The following PPL variants were observed in gnomAD, a reference collection of about 807,000 sequenced individuals.
PPL encodes the protein 190 kDa paraneoplastic pemphigus antigen.
A neutral mutation model predicts 194.4 loss-of-function variants in PPL; 198 were observed. That is an observed-to-expected ratio of 1.02 (90% CI 0.91 to 1.15). The LOEUF (loss-of-function observed/expected upper bound fraction) is 1.15, where lower values mean the gene tolerates loss of function less well. Among genes scored for constraint, PPL ranks in the 50% most tolerant of loss-of-function variants. PPL has a pLI of 0.00. For missense variants in PPL, 2,885 were observed against 2,294.8 expected (o/e 1.26, Z -5.25); for synonymous variants, 1,220 against 972.4 (o/e 1.25, Z -4.74).
rs2088307266 is a variant in PPL, at chr16:4,890,859, C to T, written c.2031G>A (p.Gln677=). ...GTGTGCTCGAGCACTGCTTGGCCGC[C>T]TGCAAGTTCTGCTCCACCTCACCCA... is the stretch of plus-strand genomic sequence containing the variant. ...SLLGEVEQNL[Q]AAKQCSSTLA... Residue 677 remains glutamine, a synonymous_variant, in exon 17 of 22, where the codon CAG becomes CAA. Coordinates refer to ENST00000345988, the MANE Select transcript of PPL (RefSeq NM_002705.5). The T allele has an allele frequency of 6.4e-7, 1 of 1,555,678 alleles. No homozygotes were observed. Among genetic ancestry groups the T allele is most frequent in the Non-Finnish European group, 8.7e-7 (1 of 1,148,518 alleles).
Position 4,885,809 on chromosome 16 carries a change from C to T in PPL, c.2846G>A (p.Ser949Asn). The change falls in exon 22 of 22, where the codon AGC becomes AAC. Residue 949 changes from serine to asparagine, a missense_variant. Ser to Asn is a conservative substitution (Grantham distance 46, BLOSUM62 1). Coordinates refer to ENST00000345988, the MANE Select transcript of PPL (RefSeq NM_002705.5). This position sits in a 1 kb window ranked among gnomAD's most constrained non-coding sequence, Gnocchi z 6.3. The part of the protein sequence containing the change: ...KKVPDPVLEE[S>N]FQQLQRTLAE... ...CAGCGTCCGCTGCAGCTGCTGGAAG[C>T]TCTCCTCCAGCACGGGATCCGGCAC... 3 of 1,608,906 alleles carry T rather than the reference C, an allele frequency of 1.9e-6. No individual in the cohort carries two copies. The highest frequency in any genetic ancestry group is 4.5e-5 in the East Asian group (2 of 44,876).
At chr16:4,922,685 C>G (rs1217147861) in intron 1 of PPL, among the ~76,000 whole-genome samples, 1 of 151,664 alleles carries the variant, frequency 6.6e-6, no homozygotes, top group African/African-American at 2.4e-5. Flanking sequence ...ACAAAAAAAC[C>G]CTAGAAACAA....
chr16:4,899,071 A>G lies in PPL; in HGVS notation c.818T>C (p.Leu273Pro), dbSNP rs1371233582. The change falls in exon 8 of 22, where the codon CTG becomes CCG. Residue 273 changes from leucine to proline, a missense_variant. By Grantham distance (98) the Leu-to-Pro change is moderately conservative (BLOSUM62 -3). Coordinates refer to ENST00000345988, the MANE Select transcript of PPL (RefSeq NM_002705.5). ...CAGCAGCTGGTCGCCCTCGCTGTGC[A>G]GTTTGTTGATTCTCTCCTCTTTGGC... ...LEAKEERINK[L>P]HSEGDQLLAA... is the part of the protein sequence containing the mutation. 2 of 1,574,794 alleles carry G rather than the reference A, an allele frequency of 1.3e-6. No homozygotes were observed. Among genetic ancestry groups the G allele is most frequent in the African/African-American group, 2.7e-5 (2 of 73,584 alleles).
At chr16:4,903,490 C>T (rs889139867) in intron 3 of PPL, among the ~76,000 whole-genome samples, 16 of 152,122 alleles carry the variant, frequency 1.1e-4, no homozygotes, top group Non-Finnish European at 1.9e-4. Context: ...GAGGTCGAGG[C>T]AGGCGGATCA....
chr16:4,901,273 T>C (rs535587511), intron 4 of PPL, among the ~76,000 whole-genome samples, 184 bp from the exon 5 acceptor site: 1 of 152,332 alleles, frequency 6.6e-6, no homozygotes, highest in African/African-American at 2.4e-5. Context: ...CACTGACCTA[T>C]ATCATCTTTC....
intron 17 of PPL, 146 bp downstream of exon 17, chr16:4,890,581 GA>G (rs2088300216): frequency 3.6e-6 from 4 of 1,109,178 alleles, no homozygotes; most frequent in Non-Finnish European, 5.1e-6. Flanking sequence ...TGACTCAAAA[GA>G]GAGACCACAG....
Position 4,891,858 on chromosome 16 carries a change from CTG to C in PPL, c.1919_1920del (p.Thr640SerfsTer3). 6.2e-7 allele frequency: 1 copy of C among 1,613,536 alleles called. No homozygotes were observed. Among genetic ancestry groups the C allele is most frequent in the Non-Finnish European group, 8.5e-7 (1 of 1,180,008 alleles). ...THENHLNQDD[T>X]VPESSRVLDS... ...TCCAGGACACGGCTGCTCTCAGGCACTGTGTCATCCTGATTCAGATGGTTCTC... is the reference window on the plus strand; with the variant it reads ...TCCAGGACACGGCTGCTCTCAGGCACTGTCATCCTGATTCAGATGGTTCTC... On this transcript the variant is annotated frameshift_variant, in exon 16 of 22. Coordinates refer to ENST00000345988, the MANE Select transcript of PPL (RefSeq NM_002705.5). LOFTEE classifies it high-confidence loss of function.
intron 18 of PPL, among the ~76,000 whole-genome samples, chr16:4,889,268 T>TTTTTG: frequency 1.1e-5 from 1 of 92,894 alleles, no homozygotes; most frequent in Non-Finnish European, 2.3e-5. Context: ...TTTTTTTTTT[T>TTTTTG]TTTTTTGAGA....
rs1392243404 is a variant in PPL, at chr16:4,902,442, T to C, written c.402A>G (p.Pro134=). The C allele has an allele frequency of 1.9e-6, 3 of 1,614,112 alleles. No homozygotes were observed. The highest frequency in any genetic ancestry group is 1.7e-5 in the Admixed American group (1 of 60,014). The change falls in exon 4 of 22, where the codon CCA becomes CCG. Residue 134 remains proline, a synonymous_variant. Transcript: ENST00000345988. The surrounding 1 kb of genome is among the most constrained non-coding windows in gnomAD (Gnocchi z 4.0). ...IYRLAVKEVD[P]QVNWAALVEE... ...CCACCAGTGCCGCCCAGTTGACCTG[T>C]GGATCCACTTCCTTCACCGCCAGCC...
At chr16:4,911,168 T>TC (rs1351733535) in intron 1 of PPL, among the ~76,000 whole-genome samples, 3 of 146,884 alleles carry the variant, frequency 2.0e-5, no homozygotes, top group Non-Finnish European at 3.0e-5. Flanking sequence ...TTTTTTTTTT[T>TC]TTTTTTTTTT....
At position 4,885,945 on chromosome 16, in the gene PPL, C is replaced by G. The variant is rs1164467226; in HGVS notation, c.2710G>C (p.Glu904Gln). 2 of 1,613,534 alleles carry G rather than the reference C, an allele frequency of 1.2e-6. No homozygotes were observed. Among genetic ancestry groups the G allele is most frequent in the South Asian group, 2.2e-5 (2 of 91,086 alleles). ...KIRKELDEET[E>Q]RRRQLENEVK... ...TCGTTCTCCAGCTGCCGCCTCCGCT[C>G]AGTCTCCTCATCCAGTTCCTTCCTG... is the stretch of plus-strand genomic sequence containing the variant. Residue 904 changes from glutamate (E) to glutamine (Q), a missense_variant, in exon 22 of 22, where the codon GAG becomes CAG. Transcript: ENST00000345988. The surrounding 1 kb of genome is among the most constrained non-coding windows in gnomAD (Gnocchi z 6.3).
At chr16:4,889,361 TCTC>T (rs1216822135) in intron 18 of PPL, among the ~76,000 whole-genome samples, 2 of 146,868 alleles carry the variant, frequency 1.4e-5, no homozygotes, top group South Asian at 2.3e-4. Flanking sequence ...TTCAAGCAAT[TCTC>T]CTGCCTCAGC....
intron 2 of PPL, among the ~76,000 whole-genome samples, chr16:4,907,990 C>A (rs2088730365): frequency 6.7e-6 from 1 of 150,218 alleles, no homozygotes; most frequent in Non-Finnish European, 1.5e-5. Context: ...CCCATCTCTA[C>A]TGAAAATAAA....
At chr16:4,918,002 A>C (rs1483913292) in intron 1 of PPL, among the ~76,000 whole-genome samples, 1 of 149,458 alleles carries the variant, frequency 6.7e-6, no homozygotes, top group African/African-American at 2.5e-5. Flanking sequence ...AAAAAAACAC[A>C]AAAAAGGCAG....
intron 14 of PPL, 118 bp downstream of exon 14, chr16:4,893,095 T>TG: frequency 7.7e-7 from 1 of 1,305,974 alleles, no homozygotes; most frequent in Non-Finnish European, 1.0e-6. Flanking sequence ...AGGCTGTCCC[T>TG]GACAGACAGC....
At chr16:4,924,720 C>T (rs1326741365) in intron 1 of PPL, among the ~76,000 whole-genome samples, 6 of 152,190 alleles carry the variant, frequency 3.9e-5, no homozygotes, top group Admixed American at 2.6e-4. Flanking sequence ...ACGAAGACCG[C>T]AGCAAGACAC....
chr16:4,927,994 T>C (rs1430546939), intron 1 of PPL, among the ~76,000 whole-genome samples: 2 of 152,246 alleles, frequency 1.3e-5, no homozygotes, highest in Admixed American at 1.3e-4. Context: ...TAGTCCTGGC[T>C]GCTCAGGAGG....
chr16:4,901,569 A>G (rs1419011108), intron 4 of PPL, among the ~76,000 whole-genome samples: 2 of 151,964 alleles, frequency 1.3e-5, no homozygotes, highest in Non-Finnish European at 2.9e-5. Flanking sequence ...TGCACCTGTA[A>G]TCCCAGCTAC....
chr16:4,920,272 G>C (rs564467876), intron 1 of PPL, among the ~76,000 whole-genome samples: 82 of 144,478 alleles, frequency 5.7e-4, no homozygotes, highest in African/African-American at 2.0e-3. Context: ...AACAGAACAA[G>C]ACTCTGTCTC....
Sources: gnomAD v4.1 joint callset for allele counts (sites outside exome capture counted in the v4.1 genomes callset) on GRCh38, gnomAD v4.1.1 for gene constraint, Gnocchi (gnomAD v3.1) non-coding constraint, MANE v1.5 for transcripts, NCBI Gene and HGNC (gene_info 2026-07-23, HGNC 2026-07-21) for gene names.